SLC16A1: variants seen among roughly 807,000 people sequenced by gnomAD.
SLC16A1 encodes monocarboxylate transporter 1.
In SLC16A1, 11 loss-of-function variants were observed where a neutral mutation model predicts 32.2. The ratio of observed to expected loss-of-function variants is 0.34; its 90% confidence interval spans 0.21 to 0.56. The LOEUF is 0.56. Among genes scored for constraint, SLC16A1 ranks in the 20% least tolerant of loss-of-function variants. SLC16A1 has a pLI of 0.87. For synonymous variants in SLC16A1, 231 were observed against 226.8 expected (o/e 1.02, Z -0.17); for missense variants, 435 against 615.0 (o/e 0.71, Z 3.10).
intron 1 of SLC16A1, among the ~76,000 whole-genome samples, chr1:112,944,058 A>G (rs746934779): frequency 2.0e-5 from 3 of 152,218 alleles, no homozygotes; most frequent in Admixed American, 6.5e-5. Flanking sequence ...GGCATACTTA[A>G]AATGCCATAT....
chr1:112,929,278 A>ATCCAACTGGACC lies in SLC16A1; in HGVS notation c.19_30dup (p.Gly7_Gly10dup). The ATCCAACTGGACC allele has an allele frequency of 6.2e-7, 1 of 1,614,122 alleles. No individual in the cohort carries two copies. The highest frequency in any genetic ancestry group is 1.7e-4 in the Middle Eastern group (1 of 6,020). ...CCCCAGCCTCCATCTGGGGGGGTGT[A>ATCCAACTGGACC]TCCAACTGGACCTCCAACTGCTGGT... On this transcript the variant is annotated inframe_insertion, in exon 2 of 5. Coordinates refer to ENST00000369626, the MANE Select transcript of SLC16A1 (RefSeq NM_003051.4).
chr1:112,940,930 AAACT>A (rs1417972065), intron 1 of SLC16A1, among the ~76,000 whole-genome samples: 1 of 152,234 alleles, frequency 6.6e-6, no homozygotes, highest in African/African-American at 2.4e-5. Context: ...TATCCTAAGC[AAACT>A]AACACAGTAA....
intron 1 of SLC16A1, among the ~76,000 whole-genome samples, chr1:112,933,904 T>TCTATAAAAAATGC (rs1649219313): frequency 6.6e-6 from 1 of 152,190 alleles, no homozygotes. Flanking sequence ...AAAAATTCTC[T>TCTATAAAAAATGC]AGCAGCTTGA....
At chr1:112,938,134 A>AAATGAC (rs1402718878) in intron 1 of SLC16A1, among the ~76,000 whole-genome samples, 1 of 152,294 alleles carries the variant, frequency 6.6e-6, no homozygotes, top group East Asian at 1.9e-4. Context: ...TCTTTTCCTA[A>AAATGAC]AATGACAATG....
chr1:112,926,918 TA>T (rs60711635), intron 2 of SLC16A1, among the ~76,000 whole-genome samples: 6,652 of 145,522 alleles, frequency 0.046, 208 homozygotes, highest in South Asian at 0.069. Context: ...TAAAAAAACT[TA>T]AAAAAAAAAG....
At chr1:112,932,822 C>A in intron 1 of SLC16A1, among the ~76,000 whole-genome samples, 1 of 143,426 alleles carries the variant, frequency 7.0e-6, no homozygotes, top group South Asian at 2.2e-4. Context: ...AGGCCTGTCT[C>A]TAAAAAATAA....
intron 1 of SLC16A1, among the ~76,000 whole-genome samples, chr1:112,942,793 T>C (rs1387937172): frequency 6.6e-6 from 1 of 152,238 alleles, no homozygotes; most frequent in Non-Finnish European, 1.5e-5. Context: ...CCTATGATGC[T>C]ACTATTGTGA....
chr1:112,940,288 C>T (rs1432554021), intron 1 of SLC16A1, among the ~76,000 whole-genome samples: 1 of 152,034 alleles, frequency 6.6e-6, no homozygotes, highest in East Asian at 1.9e-4. Flanking sequence ...AGTGATCCGC[C>T]GGCCTCCGCC....
chr1:112,924,544 T>TG, intron 2 of SLC16A1, among the ~76,000 whole-genome samples: 1 of 151,970 alleles, frequency 6.6e-6, no homozygotes, highest in East Asian at 1.9e-4. Flanking sequence ...TATAAAAGAA[T>TG]ACCTGAGACC....
At position 112,912,838 on chromosome 1, in the gene SLC16A1, A is replaced by C. The variant is rs566060825; in HGVS notation, c.*1053T>G. 4.6e-5 allele frequency: 7 copies of C among 152,132 alleles called. No individual in the cohort carries two copies. In the South Asian group the frequency reaches 1.4e-3, roughly 32 times the overall value. 9.4% of individuals were successfully genotyped at this position (152,132 alleles called of 1,614,324 possible). A position where few individuals can be genotyped will look rare whatever the true frequency, so the allele number is the denominator to read the frequency against. On this transcript the variant is annotated 3_prime_UTR_variant, in exon 5 of 5. Transcript: ENST00000369626. Reference sequence around the variant, plus strand: ...AAAAAACAAAAAAACAAAAACACCAAACACACACATATCTCACACATAGCA... The same window carrying C: ...AAAAAACAAAAAAACAAAAACACCACACACACACATATCTCACACATAGCA...
chr1:112,942,329 T>C (rs1257443578), intron 1 of SLC16A1, among the ~76,000 whole-genome samples: 1 of 152,234 alleles, frequency 6.6e-6, no homozygotes. Context: ...TGCTAAATAT[T>C]AGTCCAACTG....
intron 1 of SLC16A1, among the ~76,000 whole-genome samples, chr1:112,941,719 C>G (rs561902936): frequency 3.9e-5 from 6 of 152,312 alleles, no homozygotes; most frequent in Admixed American, 1.3e-4. Flanking sequence ...ATAAAACATA[C>G]GAAAGCTAAC....
chr1:112,937,614 G>A (rs528463726), intron 1 of SLC16A1, among the ~76,000 whole-genome samples: 9 of 152,196 alleles, frequency 5.9e-5, no homozygotes, highest in African/African-American at 2.2e-4. Context: ...AAACAGAAGG[G>A]CTCATTCAAA....
At chr1:112,923,061 C>T (rs933865237) in intron 2 of SLC16A1, among the ~76,000 whole-genome samples, 6 of 152,034 alleles carry the variant, frequency 3.9e-5, no homozygotes, top group African/African-American at 1.4e-4. Context: ...CGTGGTGGCT[C>T]ATGCCTGTAA....
intron 3 of SLC16A1, 100 bp from the exon 4 acceptor site, chr1:112,918,144 C>CTAATAATGAGG: frequency 1.1e-6 from 1 of 916,388 alleles, no homozygotes; most frequent in Non-Finnish European, 1.4e-6. Flanking sequence ...TATAAATCCT[C>CTAATAATGAGG]ATTATTAGAG....
At chr1:112,923,710 T>C in intron 2 of SLC16A1, 3 of 1,539,112 alleles carry the variant, frequency 1.9e-6, no homozygotes, top group Non-Finnish European at 2.7e-6. Flanking sequence ...AGCACCCCGG[T>C]GGAAGAGACA....
chr1:112,917,919 G>T lies in SLC16A1; in HGVS notation c.487C>A (p.Pro163Thr). Residue 163 changes from proline (P) to threonine (T), a missense_variant, in exon 4 of 5, where the codon CCC becomes ACC. Pro to Thr is a conservative substitution (Grantham distance 38). Coordinates refer to ENST00000369626, the MANE Select transcript of SLC16A1 (RefSeq NM_003051.4). This position sits in a 1 kb window ranked among gnomAD's most constrained non-coding sequence, Gnocchi z 4.1. ...ATACCGAAGAAAACCTGATTGAGGG[G>T]GGCCAGAGTACAGAGGAACACAGGG... ...GSPVFLCTLA[P>T]LNQVFFGIFG... 1 of 1,605,184 alleles carries T rather than the reference G, an allele frequency of 6.2e-7. No individual in the cohort carries two copies. The highest frequency in any genetic ancestry group is 8.5e-7 in the Non-Finnish European group (1 of 1,176,396).
chr1:112,921,414 TAATA>T (rs1260022129), intron 3 of SLC16A1, among the ~76,000 whole-genome samples: 1 of 152,150 alleles, frequency 6.6e-6, no homozygotes, highest in Non-Finnish European at 1.5e-5. Context: ...ACTTTCAACT[TAATA>T]CTGACAAAAA....
At chr1:112,932,455 C>T (rs1419056970) in intron 1 of SLC16A1, among the ~76,000 whole-genome samples, 2 of 151,750 alleles carry the variant, frequency 1.3e-5, no homozygotes, top group African/African-American at 2.4e-5. Context: ...ATCACTTGAG[C>T]CCAGGAATTT....
Sources: allele counts gnomAD v4.1 joint callset (sites outside exome capture counted in the v4.1 genomes callset), GRCh38; gene constraint gnomAD v4.1.1; non-coding constraint Gnocchi (gnomAD v3.1); transcripts MANE v1.5; gene names NCBI Gene and HGNC (gene_info 2026-07-23, HGNC 2026-07-21).